The following SPATA16 variants were observed in gnomAD, a reference collection of about 807,000 sequenced individuals.
The protein encoded by SPATA16 is spermatogenesis-associated protein 16.
In SPATA16, 36 loss-of-function variants were observed where a neutral mutation model predicts 63.3. That is an observed-to-expected ratio of 0.57 (90% CI 0.44 to 0.75). SPATA16 has a LOEUF of 0.75. Among genes scored for constraint, SPATA16 ranks in the 30% least tolerant of loss-of-function variants. SPATA16 has a pLI of 0.00. For missense variants in SPATA16, 646 were observed against 679.3 expected (o/e 0.95, Z 0.54); for synonymous variants, 203 against 216.7 (o/e 0.94, Z 0.56).
At position 173,061,859 on chromosome 3, in the gene SPATA16, C is replaced by T. The variant is rs532955481; in HGVS notation, c.613-12765G>A. 3.9e-5 allele frequency among the ~76,000 whole-genome samples: 6 copies of T among 152,252 alleles called. No individual in the cohort carries two copies. In the South Asian group the frequency reaches 8.3e-4, roughly 21 times the overall value. On this transcript the variant is annotated intron_variant, in intron 2 of 10. Transcript: ENST00000351008. The stretch of plus-strand genomic sequence containing the variant: ...AGAGATGTGAAGAATTATATTCATA[C>T]ATCAGTGGACTTAAAAGTACTATCA...
At chr3:172,947,971 A>T (rs534624794) in intron 6 of SPATA16, among the ~76,000 whole-genome samples, 2 of 152,186 alleles carry the variant, frequency 1.3e-5, no homozygotes, top group African/African-American at 4.8e-5. Flanking sequence ...AGAATGAAGC[A>T]TGCCTTCAAG....
intron 2 of SPATA16, among the ~76,000 whole-genome samples, chr3:173,101,857 C>CCA (rs1737505042): frequency 6.6e-6 from 1 of 152,130 alleles, no homozygotes; most frequent in Non-Finnish European, 1.5e-5. Context: ...AGTCCCTGAA[C>CCA]CACTATGCAT....
intron 5 of SPATA16, among the ~76,000 whole-genome samples, chr3:172,965,442 C>T (rs1010443869): frequency 3.9e-5 from 6 of 151,922 alleles, no homozygotes; most frequent in Non-Finnish European, 8.8e-5. Context: ...CTTGGAAGCT[C>T]GTAGCTCATG....
chr3:173,053,860 A>G (rs1736154930), intron 2 of SPATA16, among the ~76,000 whole-genome samples: 1 of 152,146 alleles, frequency 6.6e-6, no homozygotes, highest in African/African-American at 2.4e-5. Context: ...GTTTTTGGAA[A>G]TTATAAAAAA....
chr3:172,987,245 T>C (rs1734478868), intron 4 of SPATA16, among the ~76,000 whole-genome samples: 1 of 152,242 alleles, frequency 6.6e-6, no homozygotes, highest in African/African-American at 2.4e-5. Flanking sequence ...GACTCACTGG[T>C]AATCACAGGC....
chr3:172,939,909 G>A (rs764939449), intron 6 of SPATA16, among the ~76,000 whole-genome samples: 3 of 152,144 alleles, frequency 2.0e-5, no homozygotes, highest in Non-Finnish European at 4.4e-5. Context: ...CCCCACCTCT[G>A]GAGAGAGGAG....
chr3:172,899,900 A>G (rs1484884752), intron 10 of SPATA16, among the ~76,000 whole-genome samples: 2 of 152,092 alleles, frequency 1.3e-5, no homozygotes, highest in Non-Finnish European at 1.5e-5. Flanking sequence ...CCCATTTTTA[A>G]TTACCTTAAA....
intron 6 of SPATA16, among the ~76,000 whole-genome samples, chr3:172,945,535 C>T (rs765503281): frequency 4.6e-5 from 7 of 152,302 alleles, no homozygotes; most frequent in Middle Eastern, 3.4e-3. Flanking sequence ...TGATGTCACC[C>T]CTTCCCCATT....
intron 2 of SPATA16, among the ~76,000 whole-genome samples, chr3:173,091,779 G>T (rs1176067134): frequency 6.6e-6 from 1 of 152,108 alleles, no homozygotes; most frequent in East Asian, 1.9e-4. Context: ...GATTTTGAAG[G>T]AACTAGCCCC....
chr3:172,976,082 C>G (rs1734152582), intron 5 of SPATA16, among the ~76,000 whole-genome samples: 1 of 152,082 alleles, frequency 6.6e-6, no homozygotes, highest in Non-Finnish European at 1.5e-5. Flanking sequence ...AAGCTCCACA[C>G]AGTCTGGAGA....
At chr3:172,992,199 C>T (rs1734593663) in intron 4 of SPATA16, among the ~76,000 whole-genome samples, 1 of 152,076 alleles carries the variant, frequency 6.6e-6, no homozygotes, top group Non-Finnish European at 1.5e-5. Context: ...AAAACCACAG[C>T]TTGCATGACA....
chr3:173,069,555 T>C (rs1577158765), intron 2 of SPATA16, among the ~76,000 whole-genome samples: 1 of 152,236 alleles, frequency 6.6e-6, no homozygotes, highest in East Asian at 1.9e-4. Flanking sequence ...CTACCAAATA[T>C]ACAAAGAAGA....
At chr3:173,025,637 G>T (rs899898871) in intron 3 of SPATA16, among the ~76,000 whole-genome samples, 69 of 151,718 alleles carry the variant, frequency 4.5e-4, no homozygotes, top group Middle Eastern at 6.8e-3. Context: ...CCAGTTTCTG[G>T]CAACCACTGA....
At chr3:172,902,147 C>T (rs1429929298) in intron 10 of SPATA16, among the ~76,000 whole-genome samples, 1 of 152,200 alleles carries the variant, frequency 6.6e-6, no homozygotes, top group Admixed American at 6.5e-5. Flanking sequence ...AAGTGATTCT[C>T]CTGCCTCAGC....
At chr3:173,024,591 TAATAA>T (rs1735409104) in intron 3 of SPATA16, among the ~76,000 whole-genome samples, 1 of 150,686 alleles carries the variant, frequency 6.6e-6, no homozygotes, top group African/African-American at 2.4e-5. Context: ...AGAAAGTGAA[TAATAA>T]AATAAAACTA....
chr3:172,929,971 A>C (rs564975357), intron 6 of SPATA16, among the ~76,000 whole-genome samples: 2 of 152,284 alleles, frequency 1.3e-5, no homozygotes, highest in Admixed American at 6.5e-5. Context: ...GCCATTGTTG[A>C]CTTTTCTTTC....
At chr3:173,129,970 T>C (rs2108346789) in intron 1 of SPATA16, among the ~76,000 whole-genome samples, 1 of 152,284 alleles carries the variant, frequency 6.6e-6, no homozygotes, top group South Asian at 2.1e-4. Flanking sequence ...CCTTAATTAT[T>C]TGCAGAGGTT....
intron 4 of SPATA16, among the ~76,000 whole-genome samples, chr3:172,990,659 C>T (rs556121690): frequency 1.3e-5 from 2 of 152,232 alleles, no homozygotes; most frequent in East Asian, 3.9e-4. Flanking sequence ...TCACATGAGA[C>T]AGGAAGGATA....
At chr3:173,134,993 G>A (rs958785767) in intron 1 of SPATA16, among the ~76,000 whole-genome samples, 4 of 152,034 alleles carry the variant, frequency 2.6e-5, no homozygotes, top group African/African-American at 9.7e-5. Flanking sequence ...AATAATTTTT[G>A]TTCATCAAAA....
Sources: gnomAD v4.1 joint callset for allele counts (sites outside exome capture counted in the v4.1 genomes callset) on GRCh38, gnomAD v4.1.1 for gene constraint, MANE v1.5 for transcripts, NCBI Gene and HGNC (gene_info 2026-07-23, HGNC 2026-07-21) for gene names.